CTNNA2: variants seen among roughly 807,000 people sequenced by gnomAD.
CTNNA2 encodes catenin alpha-2.
In CTNNA2, 42 loss-of-function variants were observed where a neutral mutation model predicts 101.0. The observed-to-expected ratio is 0.42, with a 90% confidence interval of 0.32 to 0.54. The LOEUF (loss-of-function observed/expected upper bound fraction) is 0.54, where lower values mean the gene tolerates loss of function less well. Ranked by LOEUF, CTNNA2 falls within the 20% of genes least tolerant of loss-of-function variation. CTNNA2 has a pLI of 0.14. For synonymous variants in CTNNA2, 450 were observed against 456.4 expected, an observed-to-expected ratio of 0.99 and a Z score of 0.18; for missense variants, 871 against 1,223.1, an observed-to-expected ratio of 0.71 and a Z score of 4.29.
At chr2:79,370,404 C>A (rs1677842868) in intron 3 of CTNNA2, among the ~76,000 whole-genome samples, 1 of 152,178 alleles carries the variant, frequency 6.6e-6, no homozygotes, top group Non-Finnish European at 1.5e-5. Flanking sequence ...CCAGCCAAAA[C>A]TCCTGAGTGA....
intron 2 of CTNNA2, among the ~76,000 whole-genome samples, chr2:79,272,487 A>G (rs1675107333): frequency 6.6e-6 from 1 of 152,126 alleles, no homozygotes; most frequent in Admixed American, 6.6e-5. Context: ...AAGATATTTC[A>G]GAACAAGAAG....
intron 7 of CTNNA2, among the ~76,000 whole-genome samples, chr2:80,146,720 T>TG (rs1558851318): frequency 3.8e-5 from 4 of 104,316 alleles, no homozygotes; most frequent in African/African-American, 8.2e-5. Flanking sequence ...GTTTTTTTTT[T>TG]TTTTTTTTTT....
chr2:79,534,140 C>T (rs1299023489), intron 1 of CTNNA2, among the ~76,000 whole-genome samples: 1 of 152,060 alleles, frequency 6.6e-6, no homozygotes, highest in Non-Finnish European at 1.5e-5. Context: ...TCATTTTCAA[C>T]ATGGTTGTAG....
chr2:79,363,180 C>T (rs984597266), intron 3 of CTNNA2, among the ~76,000 whole-genome samples: 1 of 152,188 alleles, frequency 6.6e-6, no homozygotes, highest in African/African-American at 2.4e-5. Flanking sequence ...ATCTAAGTTA[C>T]AGATGACTCA....
intron 7 of CTNNA2, among the ~76,000 whole-genome samples, chr2:80,340,900 G>T (rs1483923302): frequency 1.3e-5 from 2 of 152,056 alleles, no homozygotes; most frequent in East Asian, 1.9e-4. Flanking sequence ...ATAAATTGGG[G>T]GTTCTCATCA....
intron 7 of CTNNA2, chr2:80,305,462 T>C (rs1331542372): frequency 1.2e-6 from 1 of 815,430 alleles, no homozygotes. Flanking sequence ...ACTTGTGCTG[T>C]TCATGGTGAT....
intron 7 of CTNNA2, among the ~76,000 whole-genome samples, chr2:80,060,666 T>C (rs1697525602): frequency 6.6e-6 from 1 of 152,194 alleles, no homozygotes; most frequent in Non-Finnish European, 1.5e-5. Context: ...ACAGTTCTAT[T>C]GACCTGGAAT....
chr2:79,692,324 C>T (rs938998076), intron 2 of CTNNA2, among the ~76,000 whole-genome samples: 1 of 152,244 alleles, frequency 6.6e-6, no homozygotes, highest in Middle Eastern at 3.4e-3. Flanking sequence ...AGTGAGATAC[C>T]ATCTCATGCC....
chr2:80,502,038 T>A (rs1687918884), intron 9 of CTNNA2, among the ~76,000 whole-genome samples: 1 of 152,154 alleles, frequency 6.6e-6, no homozygotes, highest in Admixed American at 6.5e-5. Flanking sequence ...AAGGAAAACA[T>A]GGCTGTGGAG....
intron 7 of CTNNA2, among the ~76,000 whole-genome samples, chr2:80,194,326 T>G (rs1706701474): frequency 6.6e-6 from 1 of 152,228 alleles, no homozygotes; most frequent in African/African-American, 2.4e-5. Context: ...AGAGCAGTGA[T>G]ACCGTGGATG....
At chr2:79,683,452 T>G (rs947142859) in intron 2 of CTNNA2, among the ~76,000 whole-genome samples, 1 of 152,216 alleles carries the variant, frequency 6.6e-6, no homozygotes, top group Non-Finnish European at 1.5e-5. Flanking sequence ...GATACCAGCT[T>G]GATGTAAGCA....
chr2:80,111,213 T>G (rs1701190664), intron 7 of CTNNA2, among the ~76,000 whole-genome samples: 1 of 152,096 alleles, frequency 6.6e-6, no homozygotes, highest in Non-Finnish European at 1.5e-5. Context: ...GAGATTTGAG[T>G]GGGGACACAG....
At chr2:79,720,244 T>C (rs1686391342) in intron 2 of CTNNA2, among the ~76,000 whole-genome samples, 1 of 152,154 alleles carries the variant, frequency 6.6e-6, no homozygotes, top group Non-Finnish European at 1.5e-5. Flanking sequence ...TCTGTTCCAT[T>C]GGTCAATGTG....
intron 4 of CTNNA2, chr2:79,493,605 C>T (rs1671226046): frequency 6.6e-6 from 1 of 152,160 alleles, no homozygotes; most frequent in Admixed American, 6.5e-5. Flanking sequence ...AACAACAGAG[C>T]AAGACTCCAT....
At chr2:79,629,324 TAA>T (rs1406127058) in intron 1 of CTNNA2, among the ~76,000 whole-genome samples, 1 of 152,208 alleles carries the variant, frequency 6.6e-6, no homozygotes, top group African/African-American at 2.4e-5. Flanking sequence ...TAAAGAAGAA[TAA>T]AGAGTATCTG....
At chr2:80,489,581 T>C (rs1686874478) in intron 9 of CTNNA2, among the ~76,000 whole-genome samples, 1 of 152,146 alleles carries the variant, frequency 6.6e-6, no homozygotes, top group African/African-American at 2.4e-5. Flanking sequence ...GATATTGAAA[T>C]TAATACTTCA....
intron 7 of CTNNA2, among the ~76,000 whole-genome samples, chr2:79,963,710 G>C (rs1460795526): frequency 6.6e-6 from 1 of 152,138 alleles, no homozygotes; most frequent in African/African-American, 2.4e-5. Context: ...GCAAAACAAT[G>C]GGCTAAGTAA....
At chr2:79,558,052 A>C (rs941226865) in intron 1 of CTNNA2, among the ~76,000 whole-genome samples, 1 of 151,968 alleles carries the variant, frequency 6.6e-6, no homozygotes, top group South Asian at 2.1e-4. Context: ...ACAAAGAGAC[A>C]CTTCCATGTT....
chr2:79,932,500 T>C (rs188120198), intron 7 of CTNNA2, among the ~76,000 whole-genome samples: 18 of 152,198 alleles, frequency 1.2e-4, no homozygotes, highest in Admixed American at 8.5e-4. Context: ...TTTTTTCTTT[T>C]TTTGGTGTTT....
Sources: allele counts gnomAD v4.1 joint callset (sites outside exome capture counted in the v4.1 genomes callset), GRCh38; gene constraint gnomAD v4.1.1; transcripts MANE v1.5; gene names NCBI Gene and HGNC (gene_info 2026-07-23, HGNC 2026-07-21).